CCDC3: variants seen among roughly 807,000 people sequenced by gnomAD.
The protein encoded by CCDC3 is coiled-coil domain-containing protein 3.
CCDC3 carries 24 observed loss-of-function variants against 21.4 expected under a neutral mutation model. The observed-to-expected ratio is 1.12, with a 90% confidence interval of 0.81 to 1.58. The LOEUF (loss-of-function observed/expected upper bound fraction) is 1.58. Ranked by LOEUF, CCDC3 falls within the 40% of genes most tolerant of loss-of-function variation. The probability of loss-of-function intolerance (pLI) is 0.00; values close to 1 mark genes in which losing one functional copy is unlikely to be tolerated. For synonymous variants in CCDC3, 186 were observed against 166.0 expected (o/e 1.12, Z -0.93); for missense variants, 425 against 360.9 (o/e 1.18, Z -1.44).
At chr10:12,906,449 G>C (rs1306672104) in intron 2 of CCDC3, among the ~76,000 whole-genome samples, 5 of 152,212 alleles carry the variant, frequency 3.3e-5, no homozygotes, top group African/African-American at 1.2e-4. Flanking sequence ...ACCCGGCCTA[G>C]CTGGGCAGGG....
Position 13,001,261 on chromosome 10 carries a change from G to C in CCDC3, c.310C>G (p.Leu104Val). 1 of 1,596,996 alleles carries C rather than the reference G, an allele frequency of 6.3e-7. No individual in the cohort carries two copies. The highest frequency in any genetic ancestry group is 2.3e-5 in the East Asian group (1 of 44,158). The part of the protein sequence containing the change: ...PAGSRLNLTG[L>V]GYFSCHSHTV... ...TGGGAGTGGCACGAGAAGTAGCCCA[G>C]GCCGGTGAGGTTGAGCCTGGAGCCG... is the stretch of plus-strand genomic sequence containing the variant. Residue 104 changes from leucine to valine, a missense_variant, in exon 1 of 3, where the codon CTG becomes GTG. Physicochemically the swap from Leu to Val is conservative, Grantham distance 32. Transcript: ENST00000378825.
At position 13,001,517 on chromosome 10, in the gene CCDC3, G is replaced by C. The variant is rs1018447548; in HGVS notation, c.54C>G (p.Pro18=). 3.8e-6 allele frequency: 5 copies of C among 1,319,166 alleles called. No homozygotes were observed. The South Asian group carries it at 6.3e-5, about 17-fold the overall frequency. 81.7% of individuals were successfully genotyped at this position (1,319,166 alleles called of 1,614,324 possible). The change falls in exon 1 of 3, where the codon CCC becomes CCG. Residue 18 remains proline, a synonymous_variant. Coordinates refer to ENST00000378825, the MANE Select transcript of CCDC3 (RefSeq NM_031455.4). ...AALCLAGPPA[P]ARACQLPSEW... ...CGGAGGGCAGCTGGCAGGCGCGCGC[G>C]GGCGCTGGGGGACCCGCCAGGCAGA...
chr10:13,019,949 T>C (rs1836123760), intron 5 of CCDC3, among the ~76,000 whole-genome samples: 1 of 152,134 alleles, frequency 6.6e-6, no homozygotes, highest in Admixed American at 6.5e-5. Flanking sequence ...TGAGCAGAGA[T>C]TGCACCACTG....
chr10:12,916,653 G>A lies in CCDC3; in HGVS notation c.550-17974C>T, dbSNP rs75905595. On this transcript the variant is annotated intron_variant, in intron 2 of 2. Transcript: ENST00000378825. ...AAAAAAATTGCCAGCCTGGGGCCAG[G>A]GGTGCCAACCTGGTACTATGGCGGG... 6.7e-3 allele frequency among the ~76,000 whole-genome samples: 1,013 copies of A among 152,242 alleles called. 12 individuals are homozygous for A. The highest frequency in any genetic ancestry group is 0.022 in the African/African-American group (933 of 41,550).
intron 5 of CCDC3, among the ~76,000 whole-genome samples, chr10:13,041,826 AG>A (rs1383728327): frequency 1.3e-5 from 2 of 150,564 alleles, no homozygotes; most frequent in Non-Finnish European, 3.0e-5. Context: ...AGAAGAGACC[AG>A]GGTTGGCCAG....
At position 13,018,688 on chromosome 10, in the gene CCDC3, T is replaced by A. The variant is rs546324074; in HGVS notation, c.-1-20176A>T. ...GCTCATGCCTGTAATCCCAGCATTT[T>A]GGGAGGCCAAGATGGGAAGACCACC... On this transcript the variant is annotated intron_variant, in intron 5 of 6. Coordinates refer to the CCDC3 transcript ENST00000378839. Among the ~76,000 whole-genome samples the A allele has an allele frequency of 3.9e-5, 6 of 151,972 alleles. No homozygotes were observed. The South Asian group carries it at 1.3e-3, about 32-fold the overall frequency.
intron 2 of CCDC3, among the ~76,000 whole-genome samples, chr10:12,961,351 G>A (rs1004313): frequency 0.9 from 137,051 of 152,238 alleles, 62,134 homozygotes; most frequent in East Asian, 1. Context: ...ATGTCAGGAA[G>A]GAAAAAGGCA....
chr10:13,048,501 A>G (rs1240578838), intron 5 of CCDC3, among the ~76,000 whole-genome samples: 1 of 151,990 alleles, frequency 6.6e-6, no homozygotes, highest in Non-Finnish European at 1.5e-5. Context: ...CAGGGTCCCA[A>G]GTTTTTATTC....
intron 3 of CCDC3, among the ~76,000 whole-genome samples, chr10:13,095,436 T>TGG (rs200865105): frequency 7.5e-6 from 1 of 133,584 alleles, no homozygotes; most frequent in Non-Finnish European, 1.6e-5. Context: ...TGGTGGTGGG[T>TGG]GGGGGGGTGG....
At position 12,973,753 on chromosome 10, in the gene CCDC3, T is replaced by C. The variant is rs149420484; in HGVS notation, c.549+24585A>G. 4.5e-3 allele frequency among the ~76,000 whole-genome samples: 685 copies of C among 151,340 alleles called. 8 individuals are homozygous for C. Among genetic ancestry groups the C allele is most frequent in the African/African-American group, 0.016 (646 of 40,830 alleles). ...GTAAACCTGACCCAGGTTTTATAAC[T>C]CCACGGCCTTACTTGGTCTTCCAGG... On this transcript the variant is annotated intron_variant, in intron 2 of 2. Coordinates refer to ENST00000378825, the MANE Select transcript of CCDC3 (RefSeq NM_031455.4).
intron 2 of CCDC3, among the ~76,000 whole-genome samples, chr10:12,985,693 T>C (rs1277960661): frequency 6.6e-6 from 1 of 152,164 alleles, no homozygotes; most frequent in Non-Finnish European, 1.5e-5. Flanking sequence ...TATATGTACA[T>C]AACACCTGAA....
chr10:12,917,397 C>T (rs865784865), intron 2 of CCDC3, among the ~76,000 whole-genome samples: 45 of 151,538 alleles, frequency 3.0e-4, no homozygotes, highest in East Asian at 2.9e-3. Context: ...GGGGTTTCAC[C>T]GTGTTAGCCA....
intron 2 of CCDC3, among the ~76,000 whole-genome samples, chr10:12,951,206 T>A (rs1184778452): frequency 1.3e-5 from 2 of 151,934 alleles, no homozygotes; most frequent in Non-Finnish European, 2.9e-5. Context: ...CTCTCATCTC[T>A]ACAAAAATAA....
chr10:13,008,076 A>G lies in CCDC3; in HGVS notation c.-1-9564T>C, dbSNP rs540059679. 1.7e-3 allele frequency among the ~76,000 whole-genome samples: 254 copies of G among 152,242 alleles called. 2 individuals carry two copies. The highest frequency in any genetic ancestry group is 5.9e-3 in the African/African-American group (247 of 41,534). On this transcript the variant is annotated intron_variant, in intron 5 of 6. Coordinates refer to the CCDC3 transcript ENST00000378839. ...AGTCCCTGGAAAAGAAGAGCCTGTC[A>G]TGTGGTCTCAGGCTCCAAAACCCCA...
intron 5 of CCDC3, among the ~76,000 whole-genome samples, chr10:13,042,144 C>CCTG (rs757509915): frequency 2.6e-5 from 4 of 152,196 alleles, no homozygotes; most frequent in African/African-American, 4.8e-5. Flanking sequence ...GATGCCGTTT[C>CCTG]CTGCTGTGTG....
Position 12,994,421 on chromosome 10 carries a change from A to AC in CCDC3, c.549+3916_549+3917insG, listed in dbSNP as rs58197684. Among the ~76,000 whole-genome samples the AC allele has an allele frequency of 6.1e-3, 901 of 148,214 alleles. 22 individuals are homozygous for AC. Among genetic ancestry groups the AC allele is most frequent in the African/African-American group, 0.022 (843 of 37,868 alleles). ...TCAAAAACAAAACAAAACAAAAAAAAAAAACACCCAGCACCCAGCACCCAG... is the reference window on the plus strand; with the variant it reads ...TCAAAAACAAAACAAAACAAAAAAAACAAAACACCCAGCACCCAGCACCCAG... On this transcript the variant is annotated intron_variant, in intron 2 of 2. Coordinates refer to ENST00000378825, the MANE Select transcript of CCDC3 (RefSeq NM_031455.4).
At chr10:13,045,128 T>C (rs913682291) in intron 5 of CCDC3, among the ~76,000 whole-genome samples, 1 of 152,206 alleles carries the variant, frequency 6.6e-6, no homozygotes, top group African/African-American at 2.4e-5. Flanking sequence ...CATTCTACTT[T>C]CCCTACATTA....
intron 5 of CCDC3, among the ~76,000 whole-genome samples, chr10:13,036,786 T>C (rs1836382955): frequency 6.8e-6 from 1 of 147,344 alleles, no homozygotes; most frequent in African/African-American, 2.5e-5. Context: ...TGCCTGGCTC[T>C]TATGTACATT....
intron 2 of CCDC3, among the ~76,000 whole-genome samples, chr10:12,948,084 G>A (rs956739679): frequency 1.3e-5 from 2 of 152,124 alleles, no homozygotes; most frequent in African/African-American, 2.4e-5. Context: ...CATGGGTTGT[G>A]GCAGGTAACT....
Sources: allele counts gnomAD v4.1 joint callset (sites outside exome capture counted in the v4.1 genomes callset), GRCh38; gene constraint gnomAD v4.1.1; transcripts MANE v1.5; gene names NCBI Gene and HGNC (gene_info 2026-07-23, HGNC 2026-07-21).